GRAMD1B: variants seen among roughly 807,000 people sequenced by gnomAD.
The protein encoded by GRAMD1B is protein Aster-B.
In GRAMD1B, 37 loss-of-function variants were observed where a neutral mutation model predicts 99.7. The ratio of observed to expected loss-of-function variants is 0.37; its 90% CI spans 0.29 to 0.49. The LOEUF (loss-of-function observed/expected upper bound fraction) is 0.49. Among genes scored for constraint, GRAMD1B ranks in the 20% least tolerant of loss-of-function variants. The pLI, the probability that GRAMD1B is intolerant of heterozygous loss-of-function variation, is 0.98. For missense variants in GRAMD1B, 888 were observed against 1,009.2 expected (o/e 0.88, Z 1.63); for synonymous variants, 427 against 387.6 (o/e 1.10, Z -1.19).
intron 1 of GRAMD1B, among the ~76,000 whole-genome samples, chr11:123,400,592 A>G (rs1947625358): frequency 1.3e-5 from 2 of 152,152 alleles, no homozygotes; most frequent in South Asian, 4.1e-4. Flanking sequence ...TTTCCTCACC[A>G]TCTTCTTGCT....
rs561884660 is a variant in GRAMD1B, at chr11:123,361,927, G to A, written c.-176+3128G>A. Among the ~76,000 whole-genome samples, 6 of 152,304 alleles carry A rather than the reference G, an allele frequency of 3.9e-5. No homozygotes were observed. The East Asian group carries it at 1.2e-3, about 29-fold the overall frequency. On this transcript the variant is annotated intron_variant, in intron 1 of 20. Coordinates refer to the GRAMD1B transcript ENST00000638157. ...TAAGTAGGCACATGGTCTTATGAGG[G>A]TCACCTTAATTTATTAAAGCCTCAT...
At chr11:123,474,734 GACACAAA>G (rs1464544049) in intron 1 of GRAMD1B, among the ~76,000 whole-genome samples, 1 of 398 alleles carries the variant, frequency 2.5e-3, no homozygotes, top group African/African-American at 8.9e-3. Context: ...TATTAACAAA[GACACAAA>G]GACATCTATA....
intron 2 of GRAMD1B, chr11:123,491,647 G>T: frequency 8.0e-6 from 3 of 375,404 alleles, no homozygotes. Flanking sequence ...TCTCGGTAAC[G>T]CAGGACCCCA....
chr11:123,531,422 T>G lies in GRAMD1B; in HGVS notation c.453-45945T>G, dbSNP rs556023024. Among the ~76,000 whole-genome samples the G allele has an allele frequency of 3.2e-3, 480 of 152,322 alleles. 2 individuals are homozygous for G. The highest frequency in any genetic ancestry group is 0.011 in the African/African-American group (457 of 41,568). On this transcript the variant is annotated intron_variant, in intron 2 of 19. Transcript: ENST00000635736. ...AACATTATTTGCTTTGTTGTGTTATTGTCGTCATCATTACTACTCTAAGAA... is the reference window on the plus strand; with the variant it reads ...AACATTATTTGCTTTGTTGTGTTATGGTCGTCATCATTACTACTCTAAGAA...
intron 8 of GRAMD1B, among the ~76,000 whole-genome samples, 163 bp downstream of exon 8, chr11:123,600,711 C>G (rs1951839918): frequency 6.6e-6 from 1 of 152,158 alleles, no homozygotes; most frequent in South Asian, 2.1e-4. Context: ...GGCCTCAACA[C>G]CCCCAGGAGT....
rs925343659 is a variant in GRAMD1B, at chr11:123,398,063, C to T, written c.-176+39264C>T. 2.6e-5 allele frequency among the ~76,000 whole-genome samples: 4 copies of T among 152,198 alleles called. 1 individual carries two copies. The highest frequency in any genetic ancestry group is 3.4e-3 in the Middle Eastern group (1 of 294). Reference sequence around the variant, plus strand: ...AAGAACATTTAGGTACAAATCTTTGCATAGACATGAATTTGTTCCTCTAGA... The same window carrying T: ...AAGAACATTTAGGTACAAATCTTTGTATAGACATGAATTTGTTCCTCTAGA... On this transcript the variant is annotated intron_variant, in intron 1 of 20. Transcript: ENST00000638157.
At chr11:123,571,377 G>T (rs185089222) in intron 2 of GRAMD1B, among the ~76,000 whole-genome samples, 1 of 152,170 alleles carries the variant, frequency 6.6e-6, no homozygotes, top group Non-Finnish European at 1.5e-5. Flanking sequence ...CAGGGATGCC[G>T]CAGAGAGTCA....
chr11:123,406,906 G>A (rs895775060), intron 1 of GRAMD1B, among the ~76,000 whole-genome samples: 2 of 152,184 alleles, frequency 1.3e-5, no homozygotes, highest in Admixed American at 6.5e-5. Flanking sequence ...CAATGTGCCA[G>A]ACACTGTTTC....
chr11:123,504,247 A>G (rs1940190662), intron 2 of GRAMD1B, among the ~76,000 whole-genome samples: 1 of 152,154 alleles, frequency 6.6e-6, no homozygotes, highest in Admixed American at 6.5e-5. Flanking sequence ...TGCACAAGGT[A>G]CGAGCTCCCC....
intron 1 of GRAMD1B, among the ~76,000 whole-genome samples, chr11:123,369,910 C>A (rs1363632179): frequency 2.0e-5 from 3 of 151,154 alleles, no homozygotes; most frequent in African/African-American, 7.3e-5. Context: ...AAAAAAAAAT[C>A]TATAAGGGGA....
At chr11:123,616,507 G>A (rs1954409634) in intron 17 of GRAMD1B, among the ~76,000 whole-genome samples, 1 of 152,232 alleles carries the variant, frequency 6.6e-6, no homozygotes. Flanking sequence ...TTGACTTTAA[G>A]TAGAGAAGGC....
At chr11:123,538,713 G>A (rs1369834175) in intron 2 of GRAMD1B, among the ~76,000 whole-genome samples, 2 of 151,822 alleles carry the variant, frequency 1.3e-5, no homozygotes, top group African/African-American at 4.8e-5. Flanking sequence ...TCTGCTTCCC[G>A]GGTTCAAGCG....
At chr11:123,494,738 A>G (rs1277175111) in intron 2 of GRAMD1B, among the ~76,000 whole-genome samples, 1 of 152,076 alleles carries the variant, frequency 6.6e-6, no homozygotes, top group African/African-American at 2.4e-5. Context: ...ATGGATGGTA[A>G]TTTTTATTCC....
At chr11:123,468,329 T>C (rs1229929932) in intron 1 of GRAMD1B, among the ~76,000 whole-genome samples, 1 of 152,084 alleles carries the variant, frequency 6.6e-6, no homozygotes, top group East Asian at 1.9e-4. Context: ...GGCTAGATAT[T>C]TGCACATTCA....
intron 4 of GRAMD1B, among the ~76,000 whole-genome samples, 162 bp from the exon 5 acceptor site, chr11:123,593,920 C>T (rs1260467087): frequency 1.3e-5 from 2 of 152,166 alleles, no homozygotes; most frequent in Non-Finnish European, 2.9e-5. Context: ...TGTTTCTCCA[C>T]ACCGAGGCGC....
At chr11:123,509,514 G>T (rs1332309339) in intron 2 of GRAMD1B, among the ~76,000 whole-genome samples, 1 of 152,204 alleles carries the variant, frequency 6.6e-6, no homozygotes. Context: ...CAGGTCAGTG[G>T]TTCACCAGAG....
chr11:123,608,942 T>C (rs1431267838), intron 12 of GRAMD1B, 140 bp downstream of exon 12: 16 of 654,560 alleles, frequency 2.4e-5, no homozygotes, highest in Non-Finnish European at 3.7e-5. Context: ...CCAGACACCC[T>C]CTCTCCAGCC....
chr11:123,460,488 C>T (rs572951745), intron 1 of GRAMD1B: 5 of 152,310 alleles, frequency 3.3e-5, no homozygotes, highest in Non-Finnish European at 5.9e-5. Context: ...GGCAATTACA[C>T]CTAGACACCG....
intron 1 of GRAMD1B, 48 bp downstream of exon 1, chr11:123,431,214 C>T (rs973767459): frequency 1.2e-5 from 8 of 656,400 alleles, no homozygotes; most frequent in African/African-American, 7.1e-5. Context: ...CCGTCCTCTC[C>T]AGAGCCGTCC....
Sources: gnomAD v4.1 joint callset for allele counts (sites outside exome capture counted in the v4.1 genomes callset) on GRCh38, gnomAD v4.1.1 for gene constraint, MANE v1.5 for transcripts, NCBI Gene and HGNC (gene_info 2026-07-23, HGNC 2026-07-21) for gene names.